CCSER1: variants seen among roughly 807,000 people sequenced by gnomAD.
CCSER1 encodes the protein serine-rich coiled-coil domain-containing protein 1.
Under a neutral mutation model 82.0 loss-of-function variants are expected in CCSER1, and 41 were observed. The observed-to-expected ratio is 0.50, with a 90% CI of 0.39 to 0.65. CCSER1 has a LOEUF of 0.65. Among genes scored for constraint, CCSER1 ranks in the 30% least tolerant of loss-of-function variants. The probability of loss-of-function intolerance (pLI) is 0.00; values close to 1 mark genes in which losing one functional copy is unlikely to be tolerated. For missense variants in CCSER1, 1,119 were observed against 1,064.2 expected (o/e 1.05, Z -0.72); for synonymous variants, 414 against 383.9 (o/e 1.08, Z -0.92).
chr4:91,274,045 T>G (rs545549513), intron 10 of CCSER1, among the ~76,000 whole-genome samples: 37 of 152,308 alleles, frequency 2.4e-4, no homozygotes, highest in African/African-American at 8.7e-4. Context: ...ATTATACCAA[T>G]AAGAAAGTCT....
chr4:91,549,324 T>C (rs1317861865), intron 10 of CCSER1, among the ~76,000 whole-genome samples: 2 of 152,240 alleles, frequency 1.3e-5, no homozygotes, highest in East Asian at 3.9e-4. Flanking sequence ...AAATTCATTA[T>C]TTGTAATTTT....
At chr4:91,161,178 C>CT (rs1731356349) in intron 10 of CCSER1, among the ~76,000 whole-genome samples, 1 of 152,028 alleles carries the variant, frequency 6.6e-6, no homozygotes, top group South Asian at 2.1e-4. Context: ...CCCACTTCTT[C>CT]TTTTTGTCAG....
intron 6 of CCSER1, among the ~76,000 whole-genome samples, chr4:90,644,520 T>C (rs1727139988): frequency 6.6e-6 from 1 of 152,064 alleles, no homozygotes; most frequent in Admixed American, 6.6e-5. Flanking sequence ...TCAGGTTTGT[T>C]ACATAGATAA....
intron 9 of CCSER1, among the ~76,000 whole-genome samples, chr4:91,003,207 A>G (rs1315645577): frequency 6.6e-6 from 1 of 152,044 alleles, no homozygotes. Context: ...TTAAGGTATT[A>G]TTTTTGTACG....
Position 91,582,472 on chromosome 4 carries a change from T to G in CCSER1, c.2218-16100T>G, listed in dbSNP as rs116120955. Among the ~76,000 whole-genome samples the G allele has an allele frequency of 2.7e-3, 411 of 151,672 alleles. 1 individual carries two copies. Among genetic ancestry groups the G allele is most frequent in the African/African-American group, 9.5e-3 (392 of 41,480 alleles). ...ATATTAATCACTCTAGCTACCCACA[T>G]TTGGGATTTACTATTGCTCAAATTT... is the stretch of plus-strand genomic sequence containing the variant. On this transcript the variant is annotated intron_variant, in intron 10 of 10. Transcript: ENST00000509176.
intron 10 of CCSER1, among the ~76,000 whole-genome samples, chr4:91,507,579 T>C (rs1759569018): frequency 6.6e-6 from 1 of 151,712 alleles, no homozygotes; most frequent in South Asian, 2.1e-4. Flanking sequence ...TCTATTCACA[T>C]CTTTTGCCCA....
chr4:91,417,047 A>G (rs1054616253), intron 10 of CCSER1, among the ~76,000 whole-genome samples: 2 of 152,200 alleles, frequency 1.3e-5, no homozygotes, highest in African/African-American at 4.8e-5. Flanking sequence ...TGAGCAAAGG[A>G]CATAAATGGA....
chr4:91,542,756 T>C (rs1437580625), intron 10 of CCSER1, among the ~76,000 whole-genome samples: 1 of 152,200 alleles, frequency 6.6e-6, no homozygotes, highest in African/African-American at 2.4e-5. Flanking sequence ...TGTGATGTGG[T>C]GCTGAGAAGA....
intron 10 of CCSER1, among the ~76,000 whole-genome samples, chr4:91,246,801 A>G (rs1445513384): frequency 6.7e-6 from 1 of 149,478 alleles, no homozygotes; most frequent in African/African-American, 2.5e-5. Context: ...ATTTAAAAAA[A>G]GGCATCTCAT....
chr4:90,199,926 A>G (rs1737336593), intron 1 of CCSER1, among the ~76,000 whole-genome samples: 1 of 152,164 alleles, frequency 6.6e-6, no homozygotes, highest in African/African-American at 2.4e-5. Flanking sequence ...AATATTGCAT[A>G]GCAATTAAGT....
At chr4:90,819,172 G>T (rs578202917) in intron 8 of CCSER1, among the ~76,000 whole-genome samples, 1 of 152,166 alleles carries the variant, frequency 6.6e-6, no homozygotes, top group African/African-American at 2.4e-5. Context: ...AGAGAGAGAA[G>T]AGGGAGAAAG....
chr4:90,691,060 A>G (rs563546494), intron 6 of CCSER1, among the ~76,000 whole-genome samples: 48 of 152,214 alleles, frequency 3.2e-4, no homozygotes, highest in African/African-American at 1.1e-3. Context: ...TGTGAGAGTT[A>G]TAAATGCTCA....
intron 7 of CCSER1, among the ~76,000 whole-genome samples, chr4:90,775,811 A>T (rs531910666): frequency 2.0e-5 from 3 of 152,228 alleles, no homozygotes; most frequent in Admixed American, 6.5e-5. Context: ...TTTGTAAAAC[A>T]GATATTTAAA....
chr4:90,496,412 C>T (rs1423933300), intron 5 of CCSER1, among the ~76,000 whole-genome samples: 3 of 152,110 alleles, frequency 2.0e-5, no homozygotes, highest in African/African-American at 7.2e-5. Context: ...CTCAGAGATT[C>T]ACATGGAATT....
chr4:91,276,247 G>A (rs1226855478), intron 10 of CCSER1, among the ~76,000 whole-genome samples: 1 of 146,614 alleles, frequency 6.8e-6, no homozygotes, highest in Non-Finnish European at 1.5e-5. Context: ...ATTTCTTTGG[G>A]TAGTATAGTT....
intron 6 of CCSER1, among the ~76,000 whole-genome samples, chr4:90,696,399 T>A (rs767831324): frequency 1.4e-4 from 8 of 57,766 alleles, no homozygotes; most frequent in Non-Finnish European, 3.3e-4. Context: ...AAACTGGTAA[T>A]TTTTTTTTAA....
intron 7 of CCSER1, among the ~76,000 whole-genome samples, chr4:90,772,228 T>A (rs999468506): frequency 6.6e-6 from 1 of 152,170 alleles, no homozygotes; most frequent in African/African-American, 2.4e-5. Flanking sequence ...AATGTTTTAC[T>A]GAGATAGGGA....
intron 4 of CCSER1, among the ~76,000 whole-genome samples, chr4:90,434,111 G>A (rs1319541660): frequency 6.6e-6 from 1 of 151,718 alleles, no homozygotes; most frequent in Non-Finnish European, 1.5e-5. Context: ...AATTTTATTT[G>A]TCTTTTATAT....
At chr4:90,838,761 T>C in intron 8 of CCSER1, 2 of 1,157,300 alleles carry the variant, frequency 1.7e-6, no homozygotes, top group Non-Finnish European at 2.6e-6. Flanking sequence ...TTGTCAGTAG[T>C]TCTTTGATGT....
Sources: gnomAD v4.1 joint callset for allele counts (sites outside exome capture counted in the v4.1 genomes callset) on GRCh38, gnomAD v4.1.1 for gene constraint, MANE v1.5 for transcripts, NCBI Gene and HGNC (gene_info 2026-07-23, HGNC 2026-07-21) for gene names.